Variants in LRCH3 observed in about 807,000 individuals in gnomAD.
The protein encoded by LRCH3 is leucine rich repeats and calponin homology domain containing 3, also known as DISP complex protein LRCH3.
A neutral mutation model predicts 104.5 loss-of-function variants in LRCH3; 68 were observed. The observed-to-expected ratio is 0.65, with a 90% CI of 0.54 to 0.80. The LOEUF is 0.80. LRCH3 is among the 30% of genes least tolerant of loss of function. The probability of loss-of-function intolerance (pLI) is 0.00; values close to 1 mark genes in which losing one functional copy is unlikely to be tolerated. For synonymous variants in LRCH3, 344 were observed against 361.3 expected, an observed-to-expected ratio of 0.95 and a Z score of 0.54; for missense variants, 951 against 953.9, an observed-to-expected ratio of 1.00 and a Z score of 0.04.
intron 10 of LRCH3, among the ~76,000 whole-genome samples, chr3:197,841,269 A>G (rs539862282): frequency 6.6e-6 from 1 of 152,110 alleles, no homozygotes; most frequent in East Asian, 1.9e-4. Context: ...ACCGGTCCCC[A>G]TTACTGAGGT....
intron 4 of LRCH3, among the ~76,000 whole-genome samples, 179 bp from the exon 5 acceptor site, chr3:197,826,699 T>A (rs1378450799): frequency 6.6e-6 from 1 of 152,128 alleles, no homozygotes; most frequent in Non-Finnish European, 1.5e-5. Context: ...GGCAACTGGA[T>A]CTCATTTTTA....
chr3:197,882,591 C>T lies in LRCH3; in HGVS notation c.2209-950C>T, dbSNP rs117839277. On this transcript the variant is annotated intron_variant, in intron 20 of 20. Coordinates refer to ENST00000425562, the MANE Select transcript of LRCH3 (RefSeq NM_001365715.1). ...CATATATAATCTTTTTTTAGTGGCA[C>T]CAGAATTCTATATTCTGTTCTTTGT... is the stretch of plus-strand genomic sequence containing the variant. 36 of 963,662 alleles carry T rather than the reference C, an allele frequency of 3.7e-5. No homozygotes were observed. The East Asian group carries it at 3.7e-3, about 98-fold the overall frequency. The allele number at this position is 963,662 out of a possible 1,614,324, so 59.7% of individuals were successfully genotyped here.
intron 1 of LRCH3, among the ~76,000 whole-genome samples, chr3:197,797,893 A>AAAAAC (rs376623079): frequency 2.5e-4 from 36 of 146,808 alleles, no homozygotes; most frequent in African/African-American, 8.6e-4. Context: ...CAAAAAAAAA[A>AAAAAC]ACAAAACCAG....
At chr3:197,862,827 G>C in intron 15 of LRCH3, among the ~76,000 whole-genome samples, 1 of 152,084 alleles carries the variant, frequency 6.6e-6, no homozygotes, top group East Asian at 1.9e-4. Context: ...CCCGATGAAC[G>C]TGTCTTTTCC....
At chr3:197,828,094 G>T (rs1463917399) in intron 5 of LRCH3, among the ~76,000 whole-genome samples, 2 of 134,204 alleles carry the variant, frequency 1.5e-5, no homozygotes, top group African/African-American at 2.8e-5. Flanking sequence ...AAAAAAAAAT[G>T]CTAGAGACAG....
At chr3:197,820,554 T>C in intron 4 of LRCH3, 124 bp downstream of exon 4, 1 of 648,674 alleles carries the variant, frequency 1.5e-6, no homozygotes, top group Non-Finnish European at 2.7e-6. Flanking sequence ...CTCCTGCCTG[T>C]AATGCCAACA....
chr3:197,882,166 C>T, intron 20 of LRCH3: 1 of 985,366 alleles, frequency 1.0e-6, no homozygotes, highest in Non-Finnish European at 1.2e-6. Context: ...TGAGGGTGCC[C>T]CAGAAAGCAC....
chr3:197,875,813 C>A (rs1423449592), intron 20 of LRCH3, 38 bp downstream of exon 20: 4 of 1,295,704 alleles, frequency 3.1e-6, no homozygotes, highest in Admixed American at 2.0e-5. Flanking sequence ...CCTAAATAGA[C>A]TTGGTTGTCC....
Position 197,854,251 on chromosome 3 carries a change from A to T in LRCH3, c.1591-141A>T. On this transcript the variant is annotated intron_variant, in intron 13 of 20. Transcript: ENST00000425562. This position sits in a 1 kb window ranked among gnomAD's most constrained non-coding sequence, Gnocchi z 4.5. ...TATTATAATGCATGAATTCCAGATG[A>T]TTGTGAATGTGGTCCTCTATGTCAA... The T allele has an allele frequency of 1.4e-6, 1 of 734,274 alleles. No homozygotes were observed. The allele number at this position is 734,274 out of a possible 1,614,324, so 45.5% of individuals were successfully genotyped here.
chr3:197,855,993 G>C (rs917193879), intron 14 of LRCH3, among the ~76,000 whole-genome samples: 3 of 152,174 alleles, frequency 2.0e-5, no homozygotes, highest in African/African-American at 4.8e-5. Flanking sequence ...AAGCTCCCTC[G>C]TGCTCTACTG....
intron 7 of LRCH3, among the ~76,000 whole-genome samples, chr3:197,831,820 T>C (rs2109287190): frequency 6.6e-6 from 1 of 152,242 alleles, no homozygotes; most frequent in South Asian, 2.1e-4. Context: ...ATGCTCTCCC[T>C]ATATTGCCCA....
chr3:197,848,392 A>G (rs1285128432), intron 12 of LRCH3: 1 of 169,796 alleles, frequency 5.9e-6, no homozygotes, highest in African/African-American at 2.4e-5. Context: ...TGTAAATAAC[A>G]AAAGTTTGCT....
chr3:197,798,883 A>G (rs1353959656), intron 1 of LRCH3, among the ~76,000 whole-genome samples: 1 of 152,246 alleles, frequency 6.6e-6, no homozygotes, highest in African/African-American at 2.4e-5. Flanking sequence ...CCACATTTCA[A>G]GTGCTCAGTA....
At chr3:197,867,841 C>T (rs1181359195) in intron 17 of LRCH3, among the ~76,000 whole-genome samples, 8 of 151,742 alleles carry the variant, frequency 5.3e-5, no homozygotes, top group South Asian at 2.1e-4. Context: ...GGTGACAGAG[C>T]GAGACTCCGT....
chr3:197,791,413 G>T lies in LRCH3; in HGVS notation c.135G>T (p.Trp45Cys), dbSNP rs1202735785. ...GAGPGFGPGS[W>C]SRSLDRALEE... is the part of the protein sequence containing the mutation. ...GCCCTGGTTTTGGCCCGGGCTCGTG[G>T]AGCCGCTCTCTCGATCGAGCCCTGG... Residue 45 changes from tryptophan to cysteine, a missense_variant, in exon 1 of 21, where the codon TGG (tryptophan) becomes TGT (cysteine). By Grantham distance (215) the Trp-to-Cys change is radical. Coordinates refer to ENST00000425562, the MANE Select transcript of LRCH3 (RefSeq NM_001365715.1). 1 of 1,592,954 alleles carries T rather than the reference G, an allele frequency of 6.3e-7. No individual in the cohort carries two copies. Among genetic ancestry groups the T allele is most frequent in the Admixed American group, 1.8e-5 (1 of 55,960 alleles).
rs1011739970 is a variant in LRCH3 at position 197,832,408 on chromosome 3, T to G, written c.1102+91T>G. ...CATACCCACTCCTTTTGTTGGTGTA[T>G]CTATAGCTTCTTCACTCTTCTTTTA... On this transcript the variant is annotated intron_variant, in intron 8 of 20. Coordinates refer to ENST00000425562, the MANE Select transcript of LRCH3 (RefSeq NM_001365715.1). The G allele has an allele frequency of 1.3e-5, 16 of 1,271,214 alleles. No individual in the cohort carries two copies. In the African/African-American group the frequency reaches 2.1e-4, roughly 17 times the overall value. 78.7% of individuals were successfully genotyped at this position (1,271,214 alleles called of 1,614,324 possible).
At chr3:197,843,656 C>T (rs1738159454) in intron 10 of LRCH3, among the ~76,000 whole-genome samples, 1 of 152,096 alleles carries the variant, frequency 6.6e-6, no homozygotes, top group Non-Finnish European at 1.5e-5. Context: ...TGCACGCCAG[C>T]CTGGGCAACA....
chr3:197,875,053 C>T (rs1283709617), intron 19 of LRCH3, among the ~76,000 whole-genome samples: 1 of 152,078 alleles, frequency 6.6e-6, no homozygotes, highest in African/African-American at 2.4e-5. Flanking sequence ...GCCTCAGCCT[C>T]CCGAGTAGCT....
At chr3:197,851,559 AT>A (rs1477529035) in intron 12 of LRCH3, among the ~76,000 whole-genome samples, 1 of 152,200 alleles carries the variant, frequency 6.6e-6, no homozygotes, top group Non-Finnish European at 1.5e-5. Flanking sequence ...CTGCATTTGA[AT>A]CCAGCTTTGC....
Sources: gnomAD v4.1 joint callset for allele counts (sites outside exome capture counted in the v4.1 genomes callset) on GRCh38, gnomAD v4.1.1 for gene constraint, Gnocchi (gnomAD v3.1) non-coding constraint, MANE v1.5 for transcripts, NCBI Gene and HGNC (gene_info 2026-07-23, HGNC 2026-07-21) for gene names.